Variants in OVCH2 observed in about 807,000 individuals in gnomAD.
OVCH2 encodes the protein ovochymase-2.
In OVCH2, 88 loss-of-function variants were observed where a neutral mutation model predicts 73.7. The ratio of observed to expected loss-of-function variants is 1.19; its 90% confidence interval spans 1.01 to 1.43. The LOEUF (loss-of-function observed/expected upper bound fraction) is 1.43. Among genes scored for constraint, OVCH2 ranks in the 40% most tolerant of loss-of-function variants. OVCH2 has a pLI of 0.00. For missense variants in OVCH2, 706 were observed against 674.5 expected, an observed-to-expected ratio of 1.05 and a Z score of -0.52; for synonymous variants, 265 against 234.5, an observed-to-expected ratio of 1.13 and a Z score of -1.19.
At position 7,700,255 on chromosome 11, in the gene OVCH2, C is replaced by G. The variant is rs902685762; in HGVS notation, c.901+41G>C. 4 of 1,593,884 alleles carry G rather than the reference C, an allele frequency of 2.5e-6. No homozygotes were observed. The African/African-American group carries it at 5.4e-5, about 21-fold the overall frequency. ...CTGCTGATGCTGTCTCTGGCCCTAG[C>G]AGAATGGCAGCTTCTTAACCTTGTG... On this transcript the variant is annotated intron_variant, in intron 7 of 15. Coordinates refer to ENST00000533663, the MANE Select transcript of OVCH2 (RefSeq NM_198185.7).
At chr11:7,694,232 A>G (rs1159883780) in intron 12 of OVCH2, among the ~76,000 whole-genome samples, 1 of 151,934 alleles carries the variant, frequency 6.6e-6, no homozygotes, top group Non-Finnish European at 1.5e-5. Flanking sequence ...TCCTACTTCT[A>G]CCTCCCTGAT....
chr11:7,700,468 T>G lies in OVCH2; in HGVS notation c.729A>C (p.Ser243=). 1.2e-6 allele frequency: 2 copies of G among 1,605,618 alleles called. No homozygotes were observed. Residue 243 remains serine, a synonymous_variant, in exon 7 of 16, where the codon TCA becomes TCC. Coordinates refer to ENST00000533663, the MANE Select transcript of OVCH2 (RefSeq NM_198185.7). ...CCCCTTTCTTATTCCGGCACATGAG[T>G]GAACCTCCTGAATCTCCCTGCAGAG... is the stretch of plus-strand genomic sequence containing the variant. ...RDACQGDSGG[S]LMCRNKKGAW...
chr11:7,689,953 T>C lies in OVCH2; in HGVS notation c.*2A>G. 6.6e-7 allele frequency: 1 copy of C among 1,523,274 alleles called. No homozygotes were observed. The highest frequency in any genetic ancestry group is 8.8e-7 in the Non-Finnish European group (1 of 1,135,310). The allele number at this position is 1,523,274 out of a possible 1,614,324, so 94.4% of individuals were successfully genotyped here. On this transcript the variant is annotated 3_prime_UTR_variant, in exon 15 of 16. Transcript: ENST00000533663. The stretch of plus-strand genomic sequence containing the variant: ...AACATTGGTTTCTCCATTTGGCACA[T>C]CTCATGTCTCCAGAAACATTGATTC...
chr11:7,701,276 C>A, intron 6 of OVCH2, 48 bp downstream of exon 6: 4 of 1,548,520 alleles, frequency 2.6e-6, no homozygotes, highest in Non-Finnish European at 3.5e-6. Flanking sequence ...AAAACAAAAC[C>A]AAGGGAATCC....
rs1287357518 is a variant in OVCH2 at position 7,691,955 on chromosome 11, C to T, written c.1454G>A (p.Cys485Tyr). 1.3e-6 allele frequency: 2 copies of T among 1,577,876 alleles called. No homozygotes were observed. The highest frequency in any genetic ancestry group is 2.3e-5 in the East Asian group (1 of 43,738). ...QSLEIEESGD[C>Y]TSDYVTVHSD... ...GTGCACTGTCACATAGTCGGAAGTG[C>T]AGTCTCCACTTTCTTCTATTTCCAG... The change falls in exon 13 of 16, where the codon TGC (cysteine) becomes TAC (tyrosine). Residue 485 changes from cysteine (C) to tyrosine (Y), a missense_variant. By Grantham distance (194) the Cys-to-Tyr change is radical (BLOSUM62 -2). Coordinates refer to ENST00000533663, the MANE Select transcript of OVCH2 (RefSeq NM_198185.7).
downstream of OVCH2, among the ~76,000 whole-genome samples, chr11:7,688,826 C>T (rs1429318040): frequency 1.3e-5 from 2 of 152,170 alleles, no homozygotes; most frequent in East Asian, 3.9e-4. Flanking sequence ...AAGCCCAGAA[C>T]TTCTCAATGC....
chr11:7,686,310 GATTTT>G (rs1856141206), downstream of OVCH2, among the ~76,000 whole-genome samples: 2 of 152,204 alleles, frequency 1.3e-5, no homozygotes, highest in Non-Finnish European at 2.9e-5. Flanking sequence ...GTCATAAGAT[GATTTT>G]ATGAGTTAAT....
At chr11:7,680,875 C>T in the OVCH2 span, among the ~76,000 whole-genome samples, 1 of 152,192 alleles carries the variant, frequency 6.6e-6, no homozygotes, top group African/African-American at 2.4e-5. Context: ...CTTGAATTTA[C>T]TCTATTAAAA....
intron 12 of OVCH2, among the ~76,000 whole-genome samples, chr11:7,693,194 A>G (rs188401613): frequency 6.3e-4 from 96 of 152,358 alleles, no homozygotes; most frequent in African/African-American, 2.2e-3. Context: ...TGGGGATTCA[A>G]TGGGACCCAG....
rs949229820 is a variant in OVCH2 at position 7,703,040 on chromosome 11, T to C, written c.290+658A>G. Reference sequence around the variant, plus strand: ...CGGTTGACTCTTGTTAAAAGAAGAGTCAACTCTCTGGGGGCAGAAATCATG... The same window carrying C: ...CGGTTGACTCTTGTTAAAAGAAGAGCCAACTCTCTGGGGGCAGAAATCATG... On this transcript the variant is annotated intron_variant, in intron 3 of 15. Coordinates refer to ENST00000533663, the MANE Select transcript of OVCH2 (RefSeq NM_198185.7). 1.3e-5 allele frequency among the ~76,000 whole-genome samples: 2 copies of C among 152,140 alleles called. 1 individual carries two copies. Among genetic ancestry groups the C allele is most frequent in the Admixed American group, 1.3e-4 (2 of 15,288 alleles).
chr11:7,695,760 C>G, intron 10 of OVCH2, 50 bp from the exon 11 acceptor site: 5 of 1,559,338 alleles, frequency 3.2e-6, no homozygotes, highest in Non-Finnish European at 4.3e-6. Flanking sequence ...GAAAATAGTT[C>G]CCATTCAATG....
chr11:7,696,033 A>G (rs1047926363), intron 10 of OVCH2, among the ~76,000 whole-genome samples: 2 of 152,192 alleles, frequency 1.3e-5, no homozygotes, highest in African/African-American at 4.8e-5. Flanking sequence ...GAAACCACAG[A>G]AACACCATTC....
At position 7,701,428 on chromosome 11, in the gene OVCH2, T is replaced by C; in HGVS notation, c.607A>G (p.Thr203Ala). 1 of 1,612,480 alleles carries C rather than the reference T, an allele frequency of 6.2e-7. No homozygotes were observed. The highest frequency in any genetic ancestry group is 8.5e-7 in the Non-Finnish European group (1 of 1,179,396). Reference sequence around the variant, plus strand: ...AGAGCTGCCACACACTCTTCCCAGGTCAAAATAGGCAGATTCACTTCCTGC... The same window carrying C: ...AGAGCTGCCACACACTCTTCCCAGGCCAAAATAGGCAGATTCACTTCCTGC... ...VLQEVNLPIL[T>A]WEECVAALLT... The change falls in exon 6 of 16, where the codon ACC (threonine) becomes GCC (alanine). Residue 203 changes from threonine to alanine, a missense_variant. By Grantham distance (58) the Thr-to-Ala change is moderately conservative. Coordinates refer to ENST00000533663, the MANE Select transcript of OVCH2 (RefSeq NM_198185.7).
At chr11:7,692,641 T>C (rs979472106) in intron 12 of OVCH2, among the ~76,000 whole-genome samples, 1 of 152,202 alleles carries the variant, frequency 6.6e-6, no homozygotes, top group Admixed American at 6.5e-5. Flanking sequence ...TCAAATGTAG[T>C]GAGCCTCATG....
Position 7,696,499 on chromosome 11 carries a change from G to T in OVCH2, c.1107C>A (p.Tyr369Ter), listed in dbSNP as rs374307578. The T allele has an allele frequency of 4.3e-5, 69 of 1,614,040 alleles. No homozygotes were observed. In the Middle Eastern group the frequency reaches 1.5e-3, roughly 35 times the overall value. The change falls in exon 10 of 16, where the codon TAC becomes TAA. Residue 369 changes from tyrosine to a stop codon, truncating the protein, a stop_gained. Coordinates refer to ENST00000533663, the MANE Select transcript of OVCH2 (RefSeq NM_198185.7). LOFTEE classifies it high-confidence loss of function. ...HLDVESCHHS[Y>*]LSMYSLEDRP... The stretch of plus-strand genomic sequence containing the variant: ...TGTCTTCTAAAGAATACATTGACAG[G>T]TAACTGTGGTGACAAGACTCAACAT...
rs1171450050 is a variant in OVCH2 at position 7,690,008 on chromosome 11, G to T, written c.1645C>A (p.Pro549Thr). The change falls in exon 15 of 16, where the codon CCA becomes ACA. Residue 549 changes from proline (P) to threonine (T), a missense_variant. Transcript: ENST00000533663. ...TVSFIPKAVY[P>T]DLNISISEDE... is the part of the protein sequence containing the mutation. ...TCTGATATGGAGATGTTTAAATCTGGGTATACTGGGTATAAGTATGATACA... is the reference window on the plus strand; with the variant it reads ...TCTGATATGGAGATGTTTAAATCTGTGTATACTGGGTATAAGTATGATACA... The T allele has an allele frequency of 2.7e-6, 4 of 1,507,894 alleles. No homozygotes were observed. Among genetic ancestry groups the T allele is most frequent in the Non-Finnish European group, 3.6e-6 (4 of 1,121,440 alleles). 93.4% of individuals were successfully genotyped at this position (1,507,894 alleles called of 1,614,324 possible).
intron 4 of OVCH2, among the ~76,000 whole-genome samples, 161 bp downstream of exon 4, chr11:7,701,996 C>G (rs1304259808): frequency 6.6e-6 from 1 of 152,198 alleles, no homozygotes; most frequent in Non-Finnish European, 1.5e-5. Context: ...GTAATGCTAT[C>G]TCCAGAACCA....
intron 12 of OVCH2, among the ~76,000 whole-genome samples, chr11:7,694,053 T>C (rs927928891): frequency 7.9e-5 from 12 of 152,276 alleles, no homozygotes; most frequent in South Asian, 2.1e-4. Context: ...CATCTCAGAG[T>C]TCTTTCCATC....
the OVCH2 span, among the ~76,000 whole-genome samples, chr11:7,684,112 A>G: frequency 6.6e-5 from 10 of 152,050 alleles, no homozygotes; most frequent in Admixed American, 5.9e-4. Flanking sequence ...CTTACTGCAG[A>G]ATCCTTTGTC....
Sources: allele counts gnomAD v4.1 joint callset (sites outside exome capture counted in the v4.1 genomes callset), GRCh38; gene constraint gnomAD v4.1.1; transcripts MANE v1.5; gene names NCBI Gene and HGNC (gene_info 2026-07-23, HGNC 2026-07-21).